COL5A1: variants seen among roughly 807,000 people sequenced by gnomAD.
COL5A1 encodes the protein collagen type V alpha 1 chain.
A neutral mutation model predicts 263.7 loss-of-function variants in COL5A1; 16 were observed. The observed-to-expected ratio is 0.06, with a 90% CI of 0.04 to 0.09. COL5A1 has a LOEUF of 0.09. Ranked by LOEUF, COL5A1 falls within the 10% of genes least tolerant of loss-of-function variation. The probability of loss-of-function intolerance (pLI) is 1.00; values close to 1 mark genes in which losing one functional copy is unlikely to be tolerated. For synonymous variants in COL5A1, 1,012 were observed against 1,004.5 expected, an observed-to-expected ratio of 1.01 and a Z score of -0.14; for missense variants, 2,036 against 2,540.5, an observed-to-expected ratio of 0.80 and a Z score of 4.27.
At chr9:134,785,846 G>A in intron 30 of COL5A1, 149 bp from the exon 31 acceptor site, 3 of 733,744 alleles carry the variant, frequency 4.1e-6, no homozygotes, top group East Asian at 2.7e-5. Context: ...AGGGCAGGCA[G>A]GGCTTCTGCA....
At chr9:134,735,088 T>A (rs1275508296) in intron 9 of COL5A1, among the ~76,000 whole-genome samples, 1 of 151,850 alleles carries the variant, frequency 6.6e-6, no homozygotes, top group Non-Finnish European at 1.5e-5. Context: ...TGGTGGGCAC[T>A]TGTAATCTCA....
Position 134,818,713 on chromosome 9 carries a change from G to A in COL5A1, c.4288G>A (p.Ala1430Thr), listed in dbSNP as rs863223455. The A allele has an allele frequency of 3.1e-6, 5 of 1,611,120 alleles. No individual in the cohort carries two copies. The Middle Eastern group carries it at 5.0e-4, about 160-fold the overall frequency. Reference protein sequence around the residue: ...GKTGPIGPQGAPGKPGPDGLR... With the variant: ...GKTGPIGPQGTPGKPGPDGLR... Reference sequence around the variant, plus strand: ...GACTGGCCCCATCGGCCCCCAGGGGGCCCCTGGGAAGCCCGGACCGGATGG... The same window carrying A: ...GACTGGCCCCATCGGCCCCCAGGGGACCCCTGGGAAGCCCGGACCGGATGG... Residue 1430 changes from alanine to threonine, a missense_variant, in exon 55 of 66, where the codon GCC (alanine) becomes ACC (threonine). Ala to Thr is a moderately conservative substitution (Grantham distance 58). Around this residue, in one of 3 missense-constraint regions of COL5A1, gnomAD observed 1,078 missense variants for 1,521.4 expected, o/e 0.71. Coordinates refer to ENST00000371817, the MANE Select transcript of COL5A1 (RefSeq NM_000093.5). The surrounding 1 kb of genome is among the most constrained non-coding windows in gnomAD (Gnocchi z 6.0).
chr9:134,751,224 G>A (rs756265788), intron 13 of COL5A1, among the ~76,000 whole-genome samples: 72 of 150,500 alleles, frequency 4.8e-4, no homozygotes, highest in East Asian at 5.9e-4. Flanking sequence ...CCCCGAGAGC[G>A]TGTCACTGTC....
At chr9:134,773,320 TC>T (rs1309816080) in intron 26 of COL5A1, among the ~76,000 whole-genome samples, 3 of 152,008 alleles carry the variant, frequency 2.0e-5, no homozygotes, top group African/African-American at 7.3e-5. Context: ...GCTGCGAGGG[TC>T]CCATGCAGCA....
At chr9:134,766,361 G>A in intron 21 of COL5A1, 93 bp from the exon 22 acceptor site, 2 of 1,245,622 alleles carry the variant, frequency 1.6e-6, no homozygotes, top group Admixed American at 3.8e-5. Context: ...CGTGGGATGG[G>A]CGTCTGAGCT....
chr9:134,823,196 T>G (rs1157414993), intron 60 of COL5A1, among the ~76,000 whole-genome samples, 163 bp downstream of exon 60: 1 of 152,316 alleles, frequency 6.6e-6, no homozygotes, highest in Admixed American at 6.5e-5. Context: ...CTGAGGCAGG[T>G]GGGCTGCTCG....
At chr9:134,785,229 C>T in intron 30 of COL5A1, 133 bp downstream of exon 30, 1 of 666,516 alleles carries the variant, frequency 1.5e-6, no homozygotes. Context: ...GCTCCTGTCT[C>T]CACCCTGGGT....
At chr9:134,651,251 T>C (rs537425581) in intron 1 of COL5A1, among the ~76,000 whole-genome samples, 1 of 152,316 alleles carries the variant, frequency 6.6e-6, no homozygotes, top group Admixed American at 6.5e-5. Flanking sequence ...TGCCATAAAA[T>C]GACATAAAAA....
At chr9:134,664,278 G>A (rs907231998) in intron 1 of COL5A1, among the ~76,000 whole-genome samples, 1 of 152,156 alleles carries the variant, frequency 6.6e-6, no homozygotes, top group Non-Finnish European at 1.5e-5. Context: ...AGAAAACATG[G>A]GAGGCCAGGT....
rs1274000591 is a variant in COL5A1, at chr9:134,806,949, G to A, written c.3366+653G>A. ...CTTTGTGAAGCCTCGGGAGTGGGGA[G>A]GAGCATGTCTTGAGGCCACCCAGAT... On this transcript the variant is annotated intron_variant, in intron 42 of 65. Coordinates refer to ENST00000371817, the MANE Select transcript of COL5A1 (RefSeq NM_000093.5). 3.9e-5 allele frequency among the ~76,000 whole-genome samples: 6 copies of A among 152,294 alleles called. No homozygotes were observed. In the East Asian group the frequency reaches 9.7e-4, roughly 25 times the overall value.
intron 1 of COL5A1, among the ~76,000 whole-genome samples, chr9:134,684,491 C>G (rs1801208368): frequency 6.6e-6 from 1 of 152,262 alleles, no homozygotes; most frequent in Non-Finnish European, 1.5e-5. Context: ...AGCTCAGTTT[C>G]AAGCCCTCAT....
At chr9:134,781,243 T>C (rs1023289978) in intron 28 of COL5A1, among the ~76,000 whole-genome samples, 2 of 152,252 alleles carry the variant, frequency 1.3e-5, no homozygotes, top group Non-Finnish European at 2.9e-5. Flanking sequence ...GTTTCTGTTC[T>C]TAGTGTCTGC....
In COL5A1 at chr9:134,765,855, C is replaced by A; in HGVS notation, c.2088+121C>A. 1.3e-6 allele frequency: 1 copy of A among 777,154 alleles called. No homozygotes were observed. Among genetic ancestry groups the A allele is most frequent in the Non-Finnish European group, 2.1e-6 (1 of 473,986 alleles). 48.1% of individuals were successfully genotyped at this position (777,154 alleles called of 1,614,324 possible). A position where few individuals can be genotyped will look rare whatever the true frequency, so the allele number is the denominator to read the frequency against. On this transcript the variant is annotated intron_variant, in intron 21 of 65. Transcript: ENST00000371817. The surrounding 1 kb of genome is among the most constrained non-coding windows in gnomAD (Gnocchi z 5.1). ...CCGTGCTGGCCCCTCTGGCGCCTGCCTGCTGCCAGTGTGAGGCGTGAGCGG... is the reference window on the plus strand; with the variant it reads ...CCGTGCTGGCCCCTCTGGCGCCTGCATGCTGCCAGTGTGAGGCGTGAGCGG...
At chr9:134,685,448 T>C (rs868465859) in intron 1 of COL5A1, among the ~76,000 whole-genome samples, 6 of 736 alleles carry the variant, frequency 8.2e-3, no homozygotes, top group East Asian at 0.042. Flanking sequence ...CCATTGTCCA[T>C]CATCCATCCA....
At chr9:134,819,465 C>T (rs553787879) in intron 57 of COL5A1, among the ~76,000 whole-genome samples, 5 of 152,318 alleles carry the variant, frequency 3.3e-5, no homozygotes, top group African/African-American at 1.2e-4. Context: ...GAATTGTTTT[C>T]CACTTGCATT....
At chr9:134,773,675 T>C (rs1052827774) in intron 26 of COL5A1, among the ~76,000 whole-genome samples, 1 of 152,098 alleles carries the variant, frequency 6.6e-6, no homozygotes, top group African/African-American at 2.4e-5. Context: ...TGGTCCCAGC[T>C]CCCCTTGCCA....
At chr9:134,703,722 C>G (rs1418485932) in intron 4 of COL5A1, among the ~76,000 whole-genome samples, 1 of 146,060 alleles carries the variant, frequency 6.8e-6, no homozygotes, top group Non-Finnish European at 1.5e-5. Context: ...ACTGCAAGCT[C>G]TGCCTCCCGG....
intron 1 of COL5A1, among the ~76,000 whole-genome samples, chr9:134,659,730 T>A (rs1832142476): frequency 6.6e-6 from 1 of 152,086 alleles, no homozygotes; most frequent in South Asian, 2.1e-4. Context: ...AGCAGCCTCT[T>A]CCAAAGCCCA....
At chr9:134,808,975 G>A in intron 42 of COL5A1, 1 of 616,704 alleles carries the variant, frequency 1.6e-6, no homozygotes, top group Non-Finnish European at 2.9e-6. Context: ...TGGATTAATT[G>A]AAGCGATGCA....
Sources: allele counts gnomAD v4.1 joint callset (sites outside exome capture counted in the v4.1 genomes callset), GRCh38; gene constraint gnomAD v4.1.1; regional missense constraint gnomAD v4.1.1; non-coding constraint Gnocchi (gnomAD v3.1); transcripts MANE v1.5; gene names NCBI Gene and HGNC (gene_info 2026-07-23, HGNC 2026-07-21).